The following FAM171A1 variants were observed in gnomAD, a reference collection of about 807,000 sequenced individuals.
The protein encoded by FAM171A1 is protein FAM171A1.
FAM171A1 carries 23 observed loss-of-function variants against 74.9 expected under a neutral mutation model. The ratio of observed to expected loss-of-function variants is 0.31; its 90% CI spans 0.22 to 0.44. FAM171A1 has a LOEUF of 0.44. FAM171A1 is among the 20% of genes least tolerant of loss of function. The pLI is 1.00. For missense variants in FAM171A1, 1,162 were observed against 1,159.2 expected, an observed-to-expected ratio of 1.00 and a Z score of -0.03; for synonymous variants, 527 against 505.7, an observed-to-expected ratio of 1.04 and a Z score of -0.57.
At chr10:15,324,115 T>C (rs1184885894) in intron 1 of FAM171A1, among the ~76,000 whole-genome samples, 2 of 152,188 alleles carry the variant, frequency 1.3e-5, no homozygotes, top group Non-Finnish European at 2.9e-5. Flanking sequence ...ATCTGAGCCT[T>C]AACCTCCACC....
chr10:15,357,716 A>C (rs1171493072), intron 1 of FAM171A1, among the ~76,000 whole-genome samples: 1 of 152,244 alleles, frequency 6.6e-6, no homozygotes, highest in East Asian at 1.9e-4. Flanking sequence ...ACACTTTAAA[A>C]GGCACAGAAT....
rs7069514 is a variant in FAM171A1, at chr10:15,329,813, T to C, written c.97+41143A>G. On this transcript the variant is annotated intron_variant, in intron 1 of 7. Transcript: ENST00000378116. ...GAGAACTAAGTAGACAGAAAGAAAC[T>C]GGAACCTTCAGTGACACTGCTAAGC... 5.1e-3 allele frequency among the ~76,000 whole-genome samples: 783 copies of C among 152,176 alleles called. 6 individuals are homozygous for C. The highest frequency in any genetic ancestry group is 0.017 in the African/African-American group (725 of 41,502).
intron 1 of FAM171A1, among the ~76,000 whole-genome samples, chr10:15,300,397 T>A (rs1393277504): frequency 3.3e-5 from 5 of 152,138 alleles, no homozygotes; most frequent in Non-Finnish European, 7.4e-5. Context: ...CATTTCTGTG[T>A]CCAGAAAATA....
At chr10:15,250,575 T>G (rs967938050) in intron 4 of FAM171A1, among the ~76,000 whole-genome samples, 7 of 152,140 alleles carry the variant, frequency 4.6e-5, no homozygotes, top group Non-Finnish European at 7.4e-5. Flanking sequence ...TTGGGCAACA[T>G]AGTGAAACCC....
At chr10:15,225,964 G>C (rs1315468503) in intron 5 of FAM171A1, among the ~76,000 whole-genome samples, 1 of 152,154 alleles carries the variant, frequency 6.6e-6, no homozygotes, top group Non-Finnish European at 1.5e-5. Context: ...CAGCCCAGCT[G>C]GGCTACCTGC....
At chr10:15,290,140 A>C in intron 1 of FAM171A1, among the ~76,000 whole-genome samples, 1 of 151,430 alleles carries the variant, frequency 6.6e-6, no homozygotes, top group South Asian at 2.1e-4. Context: ...AGGCCGGAGA[A>C]TTGCTTGAAC....
At chr10:15,348,302 C>A (rs1265109420) in intron 1 of FAM171A1, among the ~76,000 whole-genome samples, 1 of 150,432 alleles carries the variant, frequency 6.6e-6, no homozygotes, top group East Asian at 2.0e-4. Flanking sequence ...TCTAGGTAGC[C>A]TTTTTTTTGG....
At chr10:15,294,061 A>T (rs1835133027) in intron 1 of FAM171A1, among the ~76,000 whole-genome samples, 1 of 152,186 alleles carries the variant, frequency 6.6e-6, no homozygotes, top group Non-Finnish European at 1.5e-5. Context: ...ACCGCAGAGG[A>T]GGCATCTGGT....
intron 6 of FAM171A1, among the ~76,000 whole-genome samples, chr10:15,220,031 T>C (rs1348173263): frequency 6.6e-6 from 1 of 152,254 alleles, no homozygotes; most frequent in African/African-American, 2.4e-5. Flanking sequence ...ATTCCAGTGA[T>C]AATTCCATTG....
intron 1 of FAM171A1, among the ~76,000 whole-genome samples, chr10:15,289,941 G>T (rs1410866117): frequency 6.6e-6 from 1 of 152,150 alleles, no homozygotes; most frequent in Middle Eastern, 3.2e-3. Context: ...TGGCCCTTTA[G>T]AGAAAAAGGA....
At chr10:15,230,716 T>C (rs1045281848) in intron 5 of FAM171A1, among the ~76,000 whole-genome samples, 8 of 152,228 alleles carry the variant, frequency 5.3e-5, no homozygotes, top group African/African-American at 1.9e-4. Flanking sequence ...GAAGCAGTTA[T>C]GGGAAACCAC....
chr10:15,299,497 G>GGT (rs144003067), intron 1 of FAM171A1, among the ~76,000 whole-genome samples: 2 of 150,502 alleles, frequency 1.3e-5, no homozygotes, highest in South Asian at 2.1e-4. Context: ...TGTTTTTTTT[G>GGT]TTTTTTTGTC....
rs1237497240 is a variant in FAM171A1 at position 15,371,190 on chromosome 10, C to T, written c.-138G>A. ...GGCCCGCCGCCCGATTGGCCCGGCC[C>T]CGCCGCCCCGGCCGCTCCCTCCCGC... is the stretch of plus-strand genomic sequence containing the variant. On this transcript the variant is annotated 5_prime_UTR_variant, in exon 1 of 8. Transcript: ENST00000378116. 5.7e-6 allele frequency: 1 copy of T among 174,244 alleles called. No individual in the cohort carries two copies. The highest frequency in any genetic ancestry group is 1.1e-5 in the Non-Finnish European group (1 of 91,196). The allele number at this position is 174,244 out of a possible 1,614,324, so 10.8% of individuals were successfully genotyped here.
chr10:15,313,992 CCT>C, intron 1 of FAM171A1, among the ~76,000 whole-genome samples: 1 of 152,302 alleles, frequency 6.6e-6, no homozygotes, highest in East Asian at 1.9e-4. Context: ...CGGGATCTGG[CCT>C]CTCCTCCTGT....
chr10:15,222,687 C>T (rs760758591), intron 5 of FAM171A1, among the ~76,000 whole-genome samples: 5 of 152,200 alleles, frequency 3.3e-5, no homozygotes, highest in Non-Finnish European at 7.3e-5. Flanking sequence ...TGGGTTGCTT[C>T]GAGGCCTTAT....
At chr10:15,334,625 G>T (rs552495734) in intron 1 of FAM171A1, among the ~76,000 whole-genome samples, 1 of 152,276 alleles carries the variant, frequency 6.6e-6, no homozygotes, top group African/African-American at 2.4e-5. Context: ...GGGAAAGGGT[G>T]TACAAACACA....
intron 5 of FAM171A1, among the ~76,000 whole-genome samples, chr10:15,221,324 C>A (rs532742373): frequency 6.6e-6 from 1 of 152,306 alleles, no homozygotes; most frequent in East Asian, 1.9e-4. Flanking sequence ...TCAAACAACC[C>A]TCCTTCCAAA....
intron 1 of FAM171A1, among the ~76,000 whole-genome samples, chr10:15,330,077 C>T (rs1835609330): frequency 6.6e-6 from 1 of 152,168 alleles, no homozygotes; most frequent in Non-Finnish European, 1.5e-5. Context: ...CGTGGTGGCT[C>T]ACACCTGTAA....
chr10:15,329,160 T>C (rs1292437693), intron 1 of FAM171A1, among the ~76,000 whole-genome samples: 1 of 152,356 alleles, frequency 6.6e-6, no homozygotes, highest in South Asian at 2.1e-4. Flanking sequence ...AAGTACTGCA[T>C]ATTTTTAGTA....
Sources: allele counts gnomAD v4.1 joint callset (sites outside exome capture counted in the v4.1 genomes callset), GRCh38; gene constraint gnomAD v4.1.1; transcripts MANE v1.5; gene names NCBI Gene and HGNC (gene_info 2026-07-23, HGNC 2026-07-21).